The following SCAND3 variants were observed in gnomAD, a reference collection of about 807,000 sequenced individuals.
SCAND3 encodes SCAN domain-containing protein 3.
chr6:28,609,945 T>C, the SCAND3 span, among the ~76,000 whole-genome samples: 7 of 151,992 alleles, frequency 4.6e-5, no homozygotes, highest in African/African-American at 1.7e-4. Flanking sequence ...TGGCATGGAG[T>C]CCAGGCAAGT....
the SCAND3 span, among the ~76,000 whole-genome samples, chr6:28,596,371 T>C: frequency 6.6e-6 from 1 of 151,964 alleles, no homozygotes; most frequent in East Asian, 1.9e-4. Context: ...GGAATGATAT[T>C]CATAGTATGT....
chr6:28,594,133 T>C, the SCAND3 span: 1 of 152,196 alleles, frequency 6.6e-6, no homozygotes, highest in African/African-American at 2.4e-5. Flanking sequence ...CTTTTGTACA[T>C]TGTTGGTGAA....
At chr6:28,577,434 A>C in the SCAND3 span, among the ~76,000 whole-genome samples, 1 of 152,168 alleles carries the variant, frequency 6.6e-6, no homozygotes. Flanking sequence ...CCCTAACCCC[A>C]AGCATGGTAA....
chr6:28,607,898 A>C, the SCAND3 span, among the ~76,000 whole-genome samples: 1 of 152,154 alleles, frequency 6.6e-6, no homozygotes, highest in Non-Finnish European at 1.5e-5. Flanking sequence ...GTAAAAATAA[A>C]TGACATGTTT....
the SCAND3 span, among the ~76,000 whole-genome samples, chr6:28,583,676 T>A: frequency 6.6e-6 from 1 of 152,258 alleles, no homozygotes; most frequent in East Asian, 1.9e-4. Context: ...GAAATCATGC[T>A]GCGTTCTGCA....
chr6:28,609,455 T>C, the SCAND3 span, among the ~76,000 whole-genome samples: 24 of 152,230 alleles, frequency 1.6e-4, no homozygotes, highest in Non-Finnish European at 2.8e-4. Context: ...CTCTCCTGTA[T>C]GGAATGTATT....
the SCAND3 span, chr6:28,571,722 T>C: frequency 2.0e-6 from 1 of 506,992 alleles, no homozygotes; most frequent in Non-Finnish European, 3.3e-6. Flanking sequence ...TTATAAAAAC[T>C]GTACACATTC....
At chr6:28,572,366 G>A in the SCAND3 span, 14 of 1,610,286 alleles carry the variant, frequency 8.7e-6, no homozygotes, top group African/African-American at 5.3e-5. This position sits in a 1 kb window ranked among gnomAD's most constrained non-coding sequence, Gnocchi z 4.1. Flanking sequence ...ATAACTTTTC[G>A]CAGATGTGCA....
At chr6:28,607,425 T>C in the SCAND3 span, among the ~76,000 whole-genome samples, 1 of 152,156 alleles carries the variant, frequency 6.6e-6, no homozygotes. Context: ...TTTTCGCAAA[T>C]TAATCAGCCT....
the SCAND3 span, among the ~76,000 whole-genome samples, chr6:28,600,089 T>C: frequency 6.6e-6 from 1 of 151,726 alleles, no homozygotes; most frequent in Non-Finnish European, 1.5e-5. Context: ...AATTAGTTTA[T>C]AAAAACAACA....
the SCAND3 span, chr6:28,571,868 G>A: frequency 6.3e-7 from 1 of 1,592,258 alleles, no homozygotes; most frequent in Admixed American, 1.9e-5. Context: ...ATGCTTATAT[G>A]CATACTTTGA....
chr6:28,602,672 A>G, the SCAND3 span, among the ~76,000 whole-genome samples: 5 of 152,224 alleles, frequency 3.3e-5, no homozygotes, highest in Non-Finnish European at 7.3e-5. Flanking sequence ...TTAACTTTAT[A>G]AATTCCATTG....
chr6:28,576,486 C>T, the SCAND3 span, among the ~76,000 whole-genome samples: 2 of 152,100 alleles, frequency 1.3e-5, no homozygotes, highest in Admixed American at 1.3e-4. Flanking sequence ...TCTTGAACTC[C>T]TGGTCTCAAG....
At chr6:28,574,539 T>C in the SCAND3 span, 1 of 953,394 alleles carries the variant, frequency 1.0e-6, no homozygotes, top group East Asian at 2.4e-5. Flanking sequence ...ATATCCAAGG[T>C]AATAAAAATG....
chr6:28,579,376 A>T, the SCAND3 span: 1 of 1,614,044 alleles, frequency 6.2e-7, no homozygotes, highest in Non-Finnish European at 8.5e-7. This position sits in a 1 kb window ranked among gnomAD's most constrained non-coding sequence, Gnocchi z 4.5. Flanking sequence ...CAGAGGGATC[A>T]TTTCTTCCAT....
the SCAND3 span, among the ~76,000 whole-genome samples, chr6:28,609,895 TG>T: frequency 6.6e-6 from 1 of 152,178 alleles, no homozygotes; most frequent in Non-Finnish European, 1.5e-5. Context: ...ATCCAGAATG[TG>T]GAAAATTCTC....
the SCAND3 span, among the ~76,000 whole-genome samples, chr6:28,598,266 A>C: frequency 6.6e-6 from 1 of 152,184 alleles, no homozygotes; most frequent in Non-Finnish European, 1.5e-5. Flanking sequence ...AAATAAACCC[A>C]GCACCAAGGA....
chr6:28,597,329 A>AC, the SCAND3 span, among the ~76,000 whole-genome samples: 1 of 152,050 alleles, frequency 6.6e-6, no homozygotes, highest in Non-Finnish European at 1.5e-5. Context: ...TTAAATAAAA[A>AC]CCTCCAGAAA....
At chr6:28,608,200 G>A in the SCAND3 span, among the ~76,000 whole-genome samples, 12 of 152,180 alleles carry the variant, frequency 7.9e-5, no homozygotes, top group Non-Finnish European at 1.6e-4. Context: ...CATTTAAACC[G>A]CTATTGCTAT....
Sources: allele counts gnomAD v4.1 joint callset (sites outside exome capture counted in the v4.1 genomes callset), GRCh38; gene constraint gnomAD v4.1.1; non-coding constraint Gnocchi (gnomAD v3.1); transcripts MANE v1.5; gene names NCBI Gene and HGNC (gene_info 2026-07-23, HGNC 2026-07-21).